The following MYO1E variants were observed in gnomAD, a reference collection of about 807,000 sequenced individuals.
The protein encoded by MYO1E is unconventional myosin-Ie.
In MYO1E, 68 loss-of-function variants were observed where a neutral mutation model predicts 151.1. That is an observed-to-expected ratio of 0.45 (90% confidence interval 0.37 to 0.55). MYO1E has a LOEUF of 0.55. MYO1E is among the 20% of genes least tolerant of loss of function. The pLI is 0.00. For synonymous variants in MYO1E, 601 were observed against 501.7 expected, an observed-to-expected ratio of 1.20 and a Z score of -2.64; for missense variants, 1,363 against 1,389.3, an observed-to-expected ratio of 0.98 and a Z score of 0.30.
chr15:59,215,780 A>G (rs1311761601), intron 10 of MYO1E, among the ~76,000 whole-genome samples: 2 of 152,178 alleles, frequency 1.3e-5, no homozygotes, highest in African/African-American at 4.8e-5. Context: ...CACAAAAAAA[A>G]CTGACAGGTG....
chr15:59,256,439 A>C, intron 3 of MYO1E, 61 bp from the exon 4 acceptor site: 18 of 1,029,318 alleles, frequency 1.7e-5, no homozygotes, highest in East Asian at 2.9e-5. Context: ...TAAAAACAAA[A>C]TCATGGTCAG....
At chr15:59,185,601 C>A (rs2140324000) in intron 18 of MYO1E, among the ~76,000 whole-genome samples, 1 of 152,298 alleles carries the variant, frequency 6.6e-6, no homozygotes, top group South Asian at 2.1e-4. Context: ...TGGGGTCGGG[C>A]ATGGTAGCTG....
At chr15:59,140,045 T>C (rs1174090407) in intron 26 of MYO1E, among the ~76,000 whole-genome samples, 1 of 150,454 alleles carries the variant, frequency 6.6e-6, no homozygotes, top group Non-Finnish European at 1.5e-5. Context: ...ACTACTGACA[T>C]TTGCGGCTGG....
At chr15:59,236,959 A>G (rs2080070726) in intron 4 of MYO1E, among the ~76,000 whole-genome samples, 1 of 152,254 alleles carries the variant, frequency 6.6e-6, no homozygotes, top group South Asian at 2.1e-4. Context: ...GGATATGATT[A>G]GGAAAATTAT....
rs1051267568 is a variant in MYO1E at position 59,154,558 on chromosome 15, C to T, written c.2879-767G>A. On this transcript the variant is annotated intron_variant, in intron 25 of 27. Coordinates refer to ENST00000288235, the MANE Select transcript of MYO1E (RefSeq NM_004998.4). ...ATCTGGGCTGAGTGGAGAAAGAGAACAAGACTCTTCAAGGCCCACTTTGGT... is the reference window on the plus strand; with the variant it reads ...ATCTGGGCTGAGTGGAGAAAGAGAATAAGACTCTTCAAGGCCCACTTTGGT... 7.2e-5 allele frequency among the ~76,000 whole-genome samples: 11 copies of T among 152,292 alleles called. No individual in the cohort carries two copies. The South Asian group carries it at 1.7e-3, about 23-fold the overall frequency.
chr15:59,364,456 C>T (rs562558662), intron 1 of MYO1E, among the ~76,000 whole-genome samples: 3 of 152,312 alleles, frequency 2.0e-5, no homozygotes, highest in East Asian at 1.9e-4. Context: ...AGTCTCCATA[C>T]AGTTATGACA....
At chr15:59,223,263 G>A (rs1566984089) in intron 8 of MYO1E, 72 bp from the exon 9 acceptor site, 2 of 1,584,868 alleles carry the variant, frequency 1.3e-6, no homozygotes, top group South Asian at 1.1e-5. Context: ...AAGAAGCCAA[G>A]GCACAGCAGC....
In MYO1E at chr15:59,134,422, G is replaced by A. The variant is rs1274184922; in HGVS notation, c.*2958C>T. ...TTAAGCCAGTTGGCCAGGTACGGTG[G>A]CTCTTGCCCATAATCCCAGCACTTT... is the stretch of plus-strand genomic sequence containing the variant. On this transcript the variant is annotated 3_prime_UTR_variant, in exon 28 of 28. Transcript: ENST00000288235. 6.6e-6 allele frequency: 1 copy of A among 152,254 alleles called. No homozygotes were observed. The highest frequency in any genetic ancestry group is 2.4e-5 in the African/African-American group (1 of 41,446). 9.4% of individuals were successfully genotyped at this position (152,254 alleles called of 1,614,324 possible). A position where few individuals can be genotyped will look rare whatever the true frequency, so the allele number is the denominator to read the frequency against.
intron 1 of MYO1E, among the ~76,000 whole-genome samples, chr15:59,355,551 A>G (rs1160758940): frequency 6.6e-6 from 1 of 152,208 alleles, no homozygotes; most frequent in Non-Finnish European, 1.5e-5. Flanking sequence ...CAGAACAAAG[A>G]TTTTATGCGC....
intron 1 of MYO1E, among the ~76,000 whole-genome samples, chr15:59,346,902 G>A (rs1258734709): frequency 2.7e-5 from 4 of 150,042 alleles, no homozygotes; most frequent in Non-Finnish European, 5.9e-5. Flanking sequence ...GGGTGACAGA[G>A]CGAGACCTTG....
chr15:59,239,937 G>A (rs1309443083), intron 4 of MYO1E, among the ~76,000 whole-genome samples: 3 of 152,076 alleles, frequency 2.0e-5, no homozygotes, highest in Admixed American at 6.6e-5. Flanking sequence ...TTTCTTCTCC[G>A]GCACTAAAAC....
intron 14 of MYO1E, chr15:59,207,475 C>G: frequency 6.2e-7 from 1 of 1,614,024 alleles, no homozygotes; most frequent in Non-Finnish European, 8.5e-7. Flanking sequence ...GTACAGCCCC[C>G]ACTGCAAACT....
At chr15:59,354,445 A>AT (rs1477963217) in intron 1 of MYO1E, among the ~76,000 whole-genome samples, 1 of 152,188 alleles carries the variant, frequency 6.6e-6, no homozygotes, top group Non-Finnish European at 1.5e-5. Context: ...GTGATCTTTC[A>AT]TATCAGCAAA....
At chr15:59,264,445 C>T (rs547304710) in intron 2 of MYO1E, among the ~76,000 whole-genome samples, 3 of 152,258 alleles carry the variant, frequency 2.0e-5, no homozygotes, top group East Asian at 3.9e-4. Context: ...AATAAAAACA[C>T]AGAAAACTAG....
chr15:59,240,166 G>A (rs1319337398), intron 4 of MYO1E, among the ~76,000 whole-genome samples: 1 of 152,158 alleles, frequency 6.6e-6, no homozygotes, highest in African/African-American at 2.4e-5. Flanking sequence ...TATCAGAATC[G>A]TCAGAGTACT....
At chr15:59,313,230 TG>T (rs2080563670) in intron 1 of MYO1E, among the ~76,000 whole-genome samples, 1 of 152,212 alleles carries the variant, frequency 6.6e-6, no homozygotes, top group African/African-American at 2.4e-5. Context: ...ATAACCCAAA[TG>T]GGGGTCCACA....
intron 1 of MYO1E, among the ~76,000 whole-genome samples, chr15:59,370,983 G>C (rs1391178761): frequency 1.3e-5 from 2 of 152,262 alleles, no homozygotes; most frequent in East Asian, 3.9e-4. Flanking sequence ...GTTCTCTGCT[G>C]GGGTGAGGGA....
rs1362762058 is a variant in MYO1E, at chr15:59,178,601, G to T, written c.1905-64C>A. On this transcript the variant is annotated intron_variant, in intron 18 of 27. Transcript: ENST00000288235. ...GGGACCGCACTGGTTTTCTACCCGGGCAAGGCAGCAAGAGCTCTGCTCTGA... is the reference window on the plus strand; with the variant it reads ...GGGACCGCACTGGTTTTCTACCCGGTCAAGGCAGCAAGAGCTCTGCTCTGA... 2.5e-6 allele frequency: 4 copies of T among 1,579,016 alleles called. No individual in the cohort carries two copies. The Admixed American group carries it at 6.8e-5, about 27-fold the overall frequency.
chr15:59,352,209 C>A (rs368604588), intron 1 of MYO1E, among the ~76,000 whole-genome samples: 1 of 152,164 alleles, frequency 6.6e-6, no homozygotes, highest in Non-Finnish European at 1.5e-5. Context: ...TTGGAAGAAT[C>A]GCTCTTTAAT....
Sources: allele counts gnomAD v4.1 joint callset (sites outside exome capture counted in the v4.1 genomes callset), GRCh38; gene constraint gnomAD v4.1.1; transcripts MANE v1.5; gene names NCBI Gene and HGNC (gene_info 2026-07-23, HGNC 2026-07-21).